Variants in CREB5 observed in about 807,000 individuals in gnomAD.
CREB5 encodes cyclic AMP-responsive element-binding protein 5.
A neutral mutation model predicts 57.1 loss-of-function variants in CREB5; 19 were observed. The ratio of observed to expected loss-of-function variants is 0.33; its 90% confidence interval spans 0.23 to 0.49. The LOEUF is 0.49. Ranked by LOEUF, CREB5 falls within the 20% of genes least tolerant of loss-of-function variation. The pLI is 0.99. For missense variants in CREB5, 579 were observed against 671.6 expected (o/e 0.86, Z 1.52); for synonymous variants, 238 against 238.3 (o/e 1.00, Z 0.01).
chr7:28,814,556 T>C (rs1043965803), intron 9 of CREB5, among the ~76,000 whole-genome samples: 1 of 152,224 alleles, frequency 6.6e-6, no homozygotes, highest in Non-Finnish European at 1.5e-5. Context: ...TTTGAGCATA[T>C]TGAAAGTAGC....
At chr7:28,560,929 CGTGTGTGCGT>C (rs1795188800) in intron 4 of CREB5, among the ~76,000 whole-genome samples, 1 of 30,422 alleles carries the variant, frequency 3.3e-5, no homozygotes, top group Non-Finnish European at 5.9e-5. Context: ...TGTGCGCGTG[CGTGTGTGCGT>C]GCGTGTGTGT....
In CREB5 at chr7:28,560,867, T is replaced by TGCGTGCGCGCGTGTGCGCGCGC. The variant is rs1562797350; in HGVS notation, c.292-9489_292-9488insCGTGTGCGCGCGCGCGTGCGCG. On this transcript the variant is annotated intron_variant, in intron 4 of 10. Transcript: ENST00000357727. ...GTGCGCGTGTGTGTGTGCGTGTGCC[T>TGCGTGCGCGCGTGTGCGCGCGC]GCGTGCGCGTGCGTGCGTGCGTGTG... 5.4e-4 allele frequency among the ~76,000 whole-genome samples: 12 copies of TGCGTGCGCGCGTGTGCGCGCGC among 22,046 alleles called. 2 individuals carry two copies. Among genetic ancestry groups the TGCGTGCGCGCGTGTGCGCGCGC allele is most frequent in the Non-Finnish European group, 8.1e-4 (10 of 12,406 alleles). The allele number at this position is 22,046 out of a possible 152,430, so 14.5% of individuals were successfully genotyped here.
chr7:28,806,816 A>G (rs1216475005), intron 8 of CREB5, among the ~76,000 whole-genome samples: 2 of 152,256 alleles, frequency 1.3e-5, no homozygotes, highest in Non-Finnish European at 2.9e-5. Context: ...AGGAGGATAC[A>G]GAATTGAAAG....
rs1167141083 is a variant in CREB5 at position 28,809,551 on chromosome 7, G to A, written c.1254+137G>A. On this transcript the variant is annotated intron_variant, in intron 9 of 10. Coordinates refer to ENST00000357727, the MANE Select transcript of CREB5 (RefSeq NM_182898.4). ...CAGAGGAGCCGCAGCCCCACTCCTC[G>A]AGTTTTATTAATTCCAGGACACCCT... The A allele has an allele frequency of 1.2e-5, 9 of 751,984 alleles. No individual in the cohort carries two copies. The South Asian group carries it at 1.8e-4, about 15-fold the overall frequency. 46.6% of individuals were successfully genotyped at this position (751,984 alleles called of 1,614,324 possible). A position where few individuals can be genotyped will look rare whatever the true frequency, so the allele number is the denominator to read the frequency against.
At chr7:28,808,712 C>CGTT (rs1808903342) in intron 8 of CREB5, among the ~76,000 whole-genome samples, 1 of 83,172 alleles carries the variant, frequency 1.2e-5, no homozygotes, top group Non-Finnish European at 2.1e-5. Flanking sequence ...CCAATTTTTC[C>CGTT]TTTTTTTTTT....
intron 5 of CREB5, among the ~76,000 whole-genome samples, chr7:28,654,255 C>G (rs910450853): frequency 6.6e-6 from 1 of 152,208 alleles, no homozygotes; most frequent in African/African-American, 2.4e-5. Flanking sequence ...CTCGCTCCCC[C>G]TCTTCTAGTT....
At chr7:28,623,607 A>G (rs1202714725) in intron 5 of CREB5, among the ~76,000 whole-genome samples, 1 of 152,228 alleles carries the variant, frequency 6.6e-6, no homozygotes, top group East Asian at 1.9e-4. Context: ...AACAGATTCT[A>G]CAGGGAGTGT....
At chr7:28,305,234 G>C (rs866190168) in intron 1 of CREB5, among the ~76,000 whole-genome samples, 1 of 152,100 alleles carries the variant, frequency 6.6e-6, no homozygotes, top group African/African-American at 2.4e-5. Context: ...TTGATTTCAT[G>C]TTGAAACACA....
intron 1 of CREB5, among the ~76,000 whole-genome samples, chr7:28,446,172 T>G (rs1789456453): frequency 1.3e-5 from 2 of 152,138 alleles, no homozygotes; most frequent in Non-Finnish European, 1.5e-5. Flanking sequence ...TTCCTTGTTG[T>G]TTTTGGTTGG....
intron 2 of CREB5, among the ~76,000 whole-genome samples, chr7:28,490,556 G>C (rs1371432945): frequency 2.0e-5 from 3 of 152,224 alleles, no homozygotes; most frequent in Non-Finnish European, 4.4e-5. Flanking sequence ...TTAGTCATTA[G>C]ACTGTATGGC....
chr7:28,550,887 T>G (rs1327819377), intron 4 of CREB5, among the ~76,000 whole-genome samples: 1 of 152,182 alleles, frequency 6.6e-6, no homozygotes, highest in East Asian at 1.9e-4. Context: ...ACTTGGAGTA[T>G]CACCCCGAGG....
chr7:28,466,585 G>A (rs1790582211), intron 1 of CREB5, among the ~76,000 whole-genome samples: 1 of 152,122 alleles, frequency 6.6e-6, no homozygotes, highest in Admixed American at 6.5e-5. Flanking sequence ...AGCTTTTCGT[G>A]TCACAAGACC....
chr7:28,610,891 G>A (rs994536272), intron 5 of CREB5, among the ~76,000 whole-genome samples: 22 of 150,898 alleles, frequency 1.5e-4, no homozygotes, highest in South Asian at 2.1e-4. Flanking sequence ...GTGTGTGCGT[G>A]TGTGTGTGTG....
At chr7:28,630,527 C>T (rs945248291) in intron 5 of CREB5, among the ~76,000 whole-genome samples, 1 of 152,176 alleles carries the variant, frequency 6.6e-6, no homozygotes, top group African/African-American at 2.4e-5. Context: ...TTTCACCTGA[C>T]ATATTGCATC....
At chr7:28,410,144 G>T (rs533373842), upstream of CREB5, 133 of 391,750 alleles carry the variant, frequency 3.4e-4, 1 homozygote, top group African/African-American at 2.4e-3. Flanking sequence ...GCTGCCGGCT[G>T]CAGCGGGTGG....
At chr7:28,541,067 C>T (rs1390963694) in intron 4 of CREB5, among the ~76,000 whole-genome samples, 1 of 152,124 alleles carries the variant, frequency 6.6e-6, no homozygotes, top group Non-Finnish European at 1.5e-5. Flanking sequence ...AACTCAATAA[C>T]TTAATTAAAT....
At position 28,819,715 on chromosome 7, in the gene CREB5, T is replaced by C. The variant is rs1208467231; in HGVS notation, c.*436T>C. The C allele has an allele frequency of 6.4e-6, 1 of 155,374 alleles. No individual in the cohort carries two copies. Among genetic ancestry groups the C allele is most frequent in the Admixed American group, 6.3e-5 (1 of 15,860 alleles). 9.6% of individuals were successfully genotyped at this position (155,374 alleles called of 1,614,324 possible). Reference sequence around the variant, plus strand: ...GGAAATCTTTTGACATCTTAACTCATGTTGAGTTTGTGCTGTGGTGTCACC... The same window carrying C: ...GGAAATCTTTTGACATCTTAACTCACGTTGAGTTTGTGCTGTGGTGTCACC... On this transcript the variant is annotated 3_prime_UTR_variant, in exon 11 of 11. Transcript: ENST00000357727.
intron 5 of CREB5, among the ~76,000 whole-genome samples, chr7:28,603,113 A>G (rs912668037): frequency 1.3e-5 from 2 of 152,204 alleles, no homozygotes; most frequent in Non-Finnish European, 2.9e-5. Context: ...CAATCCTACC[A>G]TGACAAAATA....
chr7:28,693,474 C>T (rs1365837617), intron 5 of CREB5, among the ~76,000 whole-genome samples: 1 of 152,096 alleles, frequency 6.6e-6, no homozygotes. Flanking sequence ...GCCTGTCTGC[C>T]CACTTGGCTC....
Sources: gnomAD v4.1 joint callset for allele counts (sites outside exome capture counted in the v4.1 genomes callset) on GRCh38, gnomAD v4.1.1 for gene constraint, MANE v1.5 for transcripts, NCBI Gene and HGNC (gene_info 2026-07-23, HGNC 2026-07-21) for gene names.